The following FSTL5 variants were observed in gnomAD, a reference collection of about 807,000 sequenced individuals.
FSTL5 encodes follistatin-related protein 5.
In FSTL5, 62 loss-of-function variants were observed where a neutral mutation model predicts 89.1. That is an observed-to-expected ratio of 0.70 (90% CI 0.57 to 0.86). The LOEUF (loss-of-function observed/expected upper bound fraction) is 0.86, where lower values mean the gene tolerates loss of function less well. Ranked by LOEUF, FSTL5 falls within the 40% of genes least tolerant of loss-of-function variation. The pLI, the probability that FSTL5 is intolerant of heterozygous loss-of-function variation, is 0.00. For missense variants in FSTL5, 1,057 were observed against 1,001.6 expected, an observed-to-expected ratio of 1.06 and a Z score of -0.75; for synonymous variants, 383 against 346.2, an observed-to-expected ratio of 1.11 and a Z score of -1.18.
chr4:161,941,206 T>C (rs1734572103), intron 3 of FSTL5, among the ~76,000 whole-genome samples: 1 of 151,664 alleles, frequency 6.6e-6, no homozygotes, highest in Non-Finnish European at 1.5e-5. Context: ...ACTATAAACA[T>C]TAATTGAACA....
chr4:162,113,931 T>C (rs1731540774), intron 1 of FSTL5, among the ~76,000 whole-genome samples: 1 of 152,188 alleles, frequency 6.6e-6, no homozygotes, highest in Admixed American at 6.5e-5. Flanking sequence ...TTTTTTCTCA[T>C]CCAAACTTTG....
intron 3 of FSTL5, among the ~76,000 whole-genome samples, chr4:161,988,153 G>C (rs1447785268): frequency 6.6e-6 from 1 of 151,150 alleles, no homozygotes; most frequent in Non-Finnish European, 1.5e-5. Flanking sequence ...TTGCAAAATT[G>C]GCAAGGTAAA....
At chr4:161,879,897 G>C (rs1732571241) in intron 4 of FSTL5, among the ~76,000 whole-genome samples, 1 of 152,240 alleles carries the variant, frequency 6.6e-6, no homozygotes, top group East Asian at 1.9e-4. Flanking sequence ...TCTCTCAGTA[G>C]ATTGATAGCT....
intron 4 of FSTL5, among the ~76,000 whole-genome samples, chr4:161,866,538 T>C (rs989378283): frequency 2.7e-5 from 4 of 149,956 alleles, no homozygotes; most frequent in South Asian, 2.1e-4. Flanking sequence ...TCTCCAAAAC[T>C]CTTGCCTCAG....
intron 8 of FSTL5, among the ~76,000 whole-genome samples, chr4:161,556,440 C>T (rs1250042525): frequency 1.3e-5 from 2 of 151,496 alleles, no homozygotes; most frequent in African/African-American, 2.4e-5. Flanking sequence ...TAAAATATAA[C>T]ATGTCTTGCA....
At chr4:161,753,891 A>C (rs1409685023) in intron 6 of FSTL5, among the ~76,000 whole-genome samples, 2 of 151,790 alleles carry the variant, frequency 1.3e-5, no homozygotes, top group African/African-American at 4.8e-5. Context: ...AAATGCAAAA[A>C]ATTAGCCGGG....
intron 15 of FSTL5, among the ~76,000 whole-genome samples, chr4:161,412,922 A>G (rs1731642983): frequency 6.6e-6 from 1 of 152,128 alleles, no homozygotes; most frequent in South Asian, 2.1e-4. Context: ...TTAATTCAAA[A>G]TGGATCAAAG....
intron 7 of FSTL5, among the ~76,000 whole-genome samples, chr4:161,628,923 GTATT>G (rs1344984680): frequency 6.6e-6 from 1 of 152,130 alleles, no homozygotes; most frequent in African/African-American, 2.4e-5. Flanking sequence ...CAACTCAATA[GTATT>G]TATTAAAAAC....
At chr4:161,408,827 G>A (rs544296783) in intron 15 of FSTL5, among the ~76,000 whole-genome samples, 6 of 152,228 alleles carry the variant, frequency 3.9e-5, no homozygotes, top group South Asian at 2.1e-4. Context: ...ATCTCAGAGC[G>A]TGAAGACCAG....
chr4:161,680,565 C>T (rs1323846860), intron 6 of FSTL5, among the ~76,000 whole-genome samples: 1 of 151,734 alleles, frequency 6.6e-6, no homozygotes, highest in Non-Finnish European at 1.5e-5. Flanking sequence ...TTTGGAAGAA[C>T]AAGAATGTGG....
chr4:162,033,234 T>G (rs1737605165), intron 3 of FSTL5, among the ~76,000 whole-genome samples: 1 of 152,092 alleles, frequency 6.6e-6, no homozygotes, highest in Non-Finnish European at 1.5e-5. Context: ...TTGTAGAAAA[T>G]TAACTAGATG....
At chr4:161,695,866 G>T (rs1315764199) in intron 6 of FSTL5, among the ~76,000 whole-genome samples, 1 of 152,058 alleles carries the variant, frequency 6.6e-6, no homozygotes, top group African/African-American at 2.4e-5. Context: ...TTAGTCCTTT[G>T]TTGGATGTAT....
At chr4:161,610,510 C>A (rs1202368969) in intron 7 of FSTL5, among the ~76,000 whole-genome samples, 1 of 152,122 alleles carries the variant, frequency 6.6e-6, no homozygotes, top group Non-Finnish European at 1.5e-5. Flanking sequence ...ATTTGAGAAA[C>A]CTGTGGTGAT....
At chr4:161,564,337 C>G (rs1732724202) in intron 8 of FSTL5, among the ~76,000 whole-genome samples, 1 of 150,774 alleles carries the variant, frequency 6.6e-6, no homozygotes, top group Admixed American at 6.6e-5. Flanking sequence ...AATAAGGAAT[C>G]ATTAGCTTTG....
At chr4:161,899,663 T>A (rs1368903333) in intron 4 of FSTL5, among the ~76,000 whole-genome samples, 1 of 152,156 alleles carries the variant, frequency 6.6e-6, no homozygotes, top group Non-Finnish European at 1.5e-5. Context: ...ATAATGGCCC[T>A]GATCCCCTGA....
intron 4 of FSTL5, among the ~76,000 whole-genome samples, chr4:161,797,553 A>G (rs533605161): frequency 1.3e-5 from 2 of 151,738 alleles, no homozygotes; most frequent in South Asian, 4.1e-4. Flanking sequence ...CCAAAATTAG[A>G]AATTGAAATA....
intron 13 of FSTL5, among the ~76,000 whole-genome samples, chr4:161,469,134 T>C (rs1177088656): frequency 6.6e-6 from 1 of 152,186 alleles, no homozygotes; most frequent in Non-Finnish European, 1.5e-5. Context: ...TCTATTATTT[T>C]CACTACTCTA....
At chr4:161,671,364 C>T (rs1005788669) in intron 6 of FSTL5, among the ~76,000 whole-genome samples, 1 of 152,280 alleles carries the variant, frequency 6.6e-6, no homozygotes, top group Admixed American at 6.5e-5. Flanking sequence ...CACAGCCATA[C>T]CCGTTTCTTA....
intron 1 of FSTL5, among the ~76,000 whole-genome samples, chr4:162,149,888 T>C (rs1733159280): frequency 6.6e-6 from 1 of 152,178 alleles, no homozygotes; most frequent in South Asian, 2.1e-4. Context: ...GGAGTATGCC[T>C]GAAATAGAAG....
Sources: gnomAD v4.1 joint callset for allele counts (sites outside exome capture counted in the v4.1 genomes callset) on GRCh38, gnomAD v4.1.1 for gene constraint, MANE v1.5 for transcripts, NCBI Gene and HGNC (gene_info 2026-07-23, HGNC 2026-07-21) for gene names.